SH2D3A: variants seen among roughly 807,000 people sequenced by gnomAD.
The protein encoded by SH2D3A is SH2 domain-containing protein 3A.
Under a neutral mutation model 50.6 loss-of-function variants are expected in SH2D3A, and 46 were observed. The ratio of observed to expected loss-of-function variants is 0.91; its 90% confidence interval spans 0.72 to 1.16. The LOEUF (loss-of-function observed/expected upper bound fraction) is 1.16, where lower values mean the gene tolerates loss of function less well. Among genes scored for constraint, SH2D3A ranks in the 50% most tolerant of loss-of-function variants. The pLI is 0.00. For synonymous variants in SH2D3A, 377 were observed against 348.4 expected (o/e 1.08, Z -0.91); for missense variants, 783 against 786.2 (o/e 1.00, Z 0.05).
chr19:6,763,568 C>A, intron 2 of SH2D3A, 112 bp downstream of exon 2: 1 of 882,272 alleles, frequency 1.1e-6, no homozygotes. Context: ...CCTCTGCCAC[C>A]TGTCCCAATA....
At chr19:6,762,499 G>A (rs1034616229) in intron 2 of SH2D3A, among the ~76,000 whole-genome samples, 3 of 138,850 alleles carry the variant, frequency 2.2e-5, no homozygotes, top group East Asian at 2.1e-4. Context: ...TTTTTCTTCC[G>A]GCCTTTTTTT....
At chr19:6,757,577 G>A (rs1354143931) in intron 4 of SH2D3A, 1 of 152,150 alleles carries the variant, frequency 6.6e-6, no homozygotes, top group Non-Finnish European at 1.5e-5. Context: ...TTATCCCCCA[G>A]TTATCCACCT....
chr19:6,760,025 G>C (rs1299576731), intron 3 of SH2D3A, among the ~76,000 whole-genome samples: 2 of 151,812 alleles, frequency 1.3e-5, no homozygotes, highest in Admixed American at 6.6e-5. Flanking sequence ...GGTCACGTGA[G>C]GTCAAAAGTT....
chr19:6,760,599 T>G (rs1599590426), intron 3 of SH2D3A, 39 bp downstream of exon 3: 7 of 1,423,430 alleles, frequency 4.9e-6, no homozygotes, highest in Non-Finnish European at 4.7e-6. Context: ...ACCCTGCGAG[T>G]GTTGGGTGTT....
chr19:6,759,227 C>A (rs552154167), intron 4 of SH2D3A: 317 of 192,118 alleles, frequency 1.7e-3, no homozygotes, highest in African/African-American at 7.2e-3. Context: ...GATTCTCCTG[C>A]CGCAGCCTCC....
chr19:6,754,445 G>C lies in SH2D3A; in HGVS notation c.1098-20C>G. On this transcript the variant is annotated intron_variant, in intron 6 of 9. Transcript: ENST00000245908. ...TGATGCCTGCAGAGGTGGAGGGCAA[G>C]GGTCTGGGGGAAGTGGGGAGGTTTG... The C allele has an allele frequency of 6.5e-7, 1 of 1,527,084 alleles. No homozygotes were observed. The highest frequency in any genetic ancestry group is 8.7e-7 in the Non-Finnish European group (1 of 1,145,048). 94.6% of individuals were successfully genotyped at this position (1,527,084 alleles called of 1,614,324 possible).
rs770484532 is a variant in SH2D3A at position 6,754,652 on chromosome 19, G to C, written c.1061C>G (p.Pro354Arg). 1 of 1,614,212 alleles carries C rather than the reference G, an allele frequency of 6.2e-7. No individual in the cohort carries two copies. The highest frequency in any genetic ancestry group is 8.5e-7 in the Non-Finnish European group (1 of 1,180,036). ...VSSGLELLTL[P>R]HGHHLRLELL... Reference sequence around the variant, plus strand: ...TTCCAACCTCAAGTGGTGTCCATGGGGAAGAGTGAGCAGCTCCAGGCCAGA... The same window carrying C: ...TTCCAACCTCAAGTGGTGTCCATGGCGAAGAGTGAGCAGCTCCAGGCCAGA... The change falls in exon 6 of 10, where the codon CCC becomes CGC. Residue 354 changes from proline to arginine, a missense_variant. Coordinates refer to ENST00000245908, the MANE Select transcript of SH2D3A (RefSeq NM_005490.3).
chr19:6,752,758 A>C lies in SH2D3A; in HGVS notation c.1571-5T>G. ...GCTCCGGGTTAGGCCGGAATCCTGGAAGCAAGGTCAGGTGGGCTGGGGGCG... is the reference window on the plus strand; with the variant it reads ...GCTCCGGGTTAGGCCGGAATCCTGGCAGCAAGGTCAGGTGGGCTGGGGGCG... On this transcript the variant is annotated splice_region_variant and splice_polypyrimidine_tract_variant and intron_variant, in intron 9 of 9. Coordinates refer to ENST00000245908, the MANE Select transcript of SH2D3A (RefSeq NM_005490.3). The C allele has an allele frequency of 6.5e-7, 1 of 1,528,218 alleles. No individual in the cohort carries two copies. The highest frequency in any genetic ancestry group is 8.8e-7 in the Non-Finnish European group (1 of 1,132,078). The allele number at this position is 1,528,218 out of a possible 1,614,324, so 94.7% of individuals were successfully genotyped here. A position where few individuals can be genotyped will look rare whatever the true frequency, so the allele number is the denominator to read the frequency against.
In SH2D3A at chr19:6,754,132, A is replaced by G; in HGVS notation, c.1304T>C (p.Leu435Pro). The G allele has an allele frequency of 1.9e-6, 3 of 1,613,338 alleles. No homozygotes were observed. The highest frequency in any genetic ancestry group is 2.5e-6 in the Non-Finnish European group (3 of 1,179,742). ...CGCAGCCTCCGTGTGGCTCCTTCGGAGCTGGCGCCACGTGTGCTCCAACCG... is the reference window on the plus strand; with the variant it reads ...CGCAGCCTCCGTGTGGCTCCTTCGGGGCTGGCGCCACGTGTGCTCCAACCG... ...VSRLEHTWRQ[L>P]RRSHTEAALA... Residue 435 changes from leucine to proline, a missense_variant, in exon 8 of 10, where the codon CTC (leucine) becomes CCC (proline). By Grantham distance (98) the Leu-to-Pro change is moderately conservative (BLOSUM62 -3). Transcript: ENST00000245908.
chr19:6,756,683 T>C (rs1969699904), intron 4 of SH2D3A, among the ~76,000 whole-genome samples: 1 of 151,404 alleles, frequency 6.6e-6, no homozygotes, highest in African/African-American at 2.4e-5. Context: ...AATAGGCTCT[T>C]TTCTAGGAAC....
chr19:6,759,358 C>T (rs568380175), intron 4 of SH2D3A: 148 of 379,628 alleles, frequency 3.9e-4, no homozygotes, highest in Middle Eastern at 1.6e-3. Context: ...AGTGATCCAC[C>T]GGCCTCGGCC....
chr19:6,752,820 G>A (rs766629376), intron 9 of SH2D3A, 67 bp from the exon 10 acceptor site: 420 of 1,446,288 alleles, frequency 2.9e-4, no homozygotes, highest in Non-Finnish European at 3.6e-4. Context: ...CCAACCTCCC[G>A]GCACCTTCCT....
Position 6,760,623 on chromosome 19 carries a change from G to C in SH2D3A, c.419+15C>G. On this transcript the variant is annotated intron_variant, in intron 3 of 9. Transcript: ENST00000245908. ...GTGTTGGGTGTTCTCAAGGAGGCAG[G>C]GAGACTGTGAGTACCTGAGAGGCTC... 6.5e-7 allele frequency: 1 copy of C among 1,532,072 alleles called. No homozygotes were observed. Among genetic ancestry groups the C allele is most frequent in the Non-Finnish European group, 8.8e-7 (1 of 1,137,804 alleles). The allele number at this position is 1,532,072 out of a possible 1,614,324, so 94.9% of individuals were successfully genotyped here. A position where few individuals can be genotyped will look rare whatever the true frequency, so the allele number is the denominator to read the frequency against.
rs904113444 is a variant in SH2D3A at position 6,753,993 on chromosome 19, A to C, written c.1384+59T>G. ...AGGGACTGGGCATAGGACTAGATTG[A>C]GTCCTGTTAAATTTGGTCTGGGCCC... On this transcript the variant is annotated intron_variant, in intron 8 of 9. Coordinates refer to ENST00000245908, the MANE Select transcript of SH2D3A (RefSeq NM_005490.3). The C allele has an allele frequency of 2.4e-5, 36 of 1,515,618 alleles. No homozygotes were observed. The South Asian group carries it at 4.7e-4, about 20-fold the overall frequency. 93.9% of individuals were successfully genotyped at this position (1,515,618 alleles called of 1,614,324 possible).
chr19:6,756,460 T>TA (rs112582347), intron 4 of SH2D3A, among the ~76,000 whole-genome samples: 6,541 of 150,962 alleles, frequency 0.043, 475 homozygotes, highest in African/African-American at 0.15. Flanking sequence ...TATTTCTTCT[T>TA]AAAAAAAAAG....
intron 4 of SH2D3A, 133 bp from the exon 5 acceptor site, chr19:6,755,448 C>T: frequency 5.3e-6 from 3 of 565,086 alleles, no homozygotes; most frequent in Non-Finnish European, 8.9e-6. Flanking sequence ...ACAACCTATC[C>T]GGGTGCAGTT....
Position 6,752,679 on chromosome 19 carries a change from C to G in SH2D3A, c.1645G>C (p.Gly549Arg). The change falls in exon 10 of 10, where the codon GGC (glycine) becomes CGC (arginine). Residue 549 changes from glycine to arginine, a missense_variant. Coordinates refer to ENST00000245908, the MANE Select transcript of SH2D3A (RefSeq NM_005490.3). ...FVRRLLWGSR[G>R]AGAPRAERFE... Reference sequence around the variant, plus strand: ...CGTTCAGCGCGCGGAGCTCCCGCGCCCCGGCTACCCCAGAGCAGCCTCCGC... The same window carrying G: ...CGTTCAGCGCGCGGAGCTCCCGCGCGCCGGCTACCCCAGAGCAGCCTCCGC... 6.4e-7 allele frequency: 1 copy of G among 1,552,768 alleles called. No individual in the cohort carries two copies.
At chr19:6,759,392 C>A (rs1969880807) in intron 4 of SH2D3A, 4 of 481,996 alleles carry the variant, frequency 8.3e-6, no homozygotes, top group Non-Finnish European at 1.5e-5. Flanking sequence ...GGATTACAGG[C>A]ATGAGCCACC....
At position 6,753,441 on chromosome 19, in the gene SH2D3A, A is replaced by G; in HGVS notation, c.1570+15T>C. ...TGCTCTGAAGTCTGCAGTCCAGCGC[A>G]GAGGGAACGCTCACCTCGCAGGCGC... On this transcript the variant is annotated intron_variant, in intron 9 of 9. Coordinates refer to ENST00000245908, the MANE Select transcript of SH2D3A (RefSeq NM_005490.3). 2 of 1,488,786 alleles carry G rather than the reference A, an allele frequency of 1.3e-6. No individual in the cohort carries two copies. The highest frequency in any genetic ancestry group is 2.5e-5 in the East Asian group (1 of 39,678). The allele number at this position is 1,488,786 out of a possible 1,614,324, so 92.2% of individuals were successfully genotyped here. A position where few individuals can be genotyped will look rare whatever the true frequency, so the allele number is the denominator to read the frequency against.
Sources: gnomAD v4.1 joint callset for allele counts (sites outside exome capture counted in the v4.1 genomes callset) on GRCh38, gnomAD v4.1.1 for gene constraint, MANE v1.5 for transcripts, NCBI Gene and HGNC (gene_info 2026-07-23, HGNC 2026-07-21) for gene names.